IL6ST: variants seen among roughly 807,000 people sequenced by gnomAD.
IL6ST encodes interleukin 6 cytokine family signal transducer.
A neutral mutation model predicts 91.3 loss-of-function variants in IL6ST; 24 were observed. The observed-to-expected ratio is 0.26, with a 90% CI of 0.19 to 0.37. The LOEUF (loss-of-function observed/expected upper bound fraction) is 0.37, where lower values mean the gene tolerates loss of function less well. Ranked by LOEUF, IL6ST falls within the 10% of genes least tolerant of loss-of-function variation. IL6ST has a pLI of 1.00. For synonymous variants in IL6ST, 351 were observed against 373.6 expected (o/e 0.94, Z 0.70); for missense variants, 914 against 1,078.5 (o/e 0.85, Z 2.14).
Position 55,956,022 on chromosome 5 carries a change from A to C in IL6ST, c.1267+3T>G, listed in dbSNP as rs1283732557. Reference sequence around the variant, plus strand: ...AGTCAGGCTCCATCTCACAGATACAAACCTTGAAAGTCACAGGCAGGGATA... The same window carrying C: ...AGTCAGGCTCCATCTCACAGATACACACCTTGAAAGTCACAGGCAGGGATA... On this transcript the variant is annotated splice_donor_region_variant and intron_variant, in intron 10 of 16. Coordinates refer to ENST00000381298, the MANE Select transcript of IL6ST (RefSeq NM_002184.4). 3.1e-6 allele frequency: 5 copies of C among 1,607,704 alleles called. No individual in the cohort carries two copies. In the South Asian group the frequency reaches 5.5e-5, roughly 18 times the overall value.
intron 11 of IL6ST, among the ~76,000 whole-genome samples, chr5:55,954,274 CA>C: frequency 6.6e-6 from 1 of 152,232 alleles, no homozygotes. Context: ...TTTTTCTCTT[CA>C]AAGTTGTTGT....
rs898804981 is a variant in IL6ST, at chr5:55,956,121, G to C, written c.1171C>G (p.Leu391Val). 6.2e-7 allele frequency: 1 copy of C among 1,612,218 alleles called. No individual in the cohort carries two copies. The highest frequency in any genetic ancestry group is 8.5e-7 in the Non-Finnish European group (1 of 1,178,286). ...GTTGCTAGATAGCGATCATTTGTGA[G>C]ATTTACTGTCAGTTTTGTGGCATTA... ...TVNATKLTVN[L>V]TNDRYLATLT... Residue 391 changes from leucine (L) to valine (V), a missense_variant, in exon 10 of 17, where the codon CTC becomes GTC. Leu to Val is a conservative substitution (Grantham distance 32). Transcript: ENST00000381298.
chr5:55,941,211 A>G lies in IL6ST; in HGVS notation c.2628T>C (p.Ala876=). ...KMFQEVSAAD[A]FGPGTEGQVE... The stretch of plus-strand genomic sequence containing the variant: ...CTTGTCCCTCAGTACCTGGACCAAA[A>G]GCATCTGCTGCAGAAACTTCCTGAA... The change falls in exon 17 of 17, where the codon GCT becomes GCC. Residue 876 remains alanine (A), a synonymous_variant. Transcript: ENST00000381298. 6.2e-7 allele frequency: 1 copy of G among 1,614,184 alleles called. No individual in the cohort carries two copies. The highest frequency in any genetic ancestry group is 8.5e-7 in the Non-Finnish European group (1 of 1,180,012).
chr5:55,956,887 C>T (rs1045656632), intron 9 of IL6ST, among the ~76,000 whole-genome samples: 13 of 152,096 alleles, frequency 8.5e-5, no homozygotes, highest in African/African-American at 2.7e-4. Flanking sequence ...GGGCTGGGCG[C>T]GGTGGCTCAT....
intron 15 of IL6ST, among the ~76,000 whole-genome samples, chr5:55,947,115 T>G (rs1244406752): frequency 6.6e-6 from 1 of 151,586 alleles, no homozygotes; most frequent in Non-Finnish European, 1.5e-5. Context: ...GAGGCAGGAG[T>G]CTGAACCAGG....
In IL6ST at chr5:55,951,539, T is replaced by G. The variant is rs760896280; in HGVS notation, c.1765A>C (p.Met589Leu). 4 of 1,610,652 alleles carry G rather than the reference T, an allele frequency of 2.5e-6. No homozygotes were observed. In the South Asian group the frequency reaches 4.4e-5, roughly 18 times the overall value. The change falls in exon 14 of 17, where the codon ATG becomes CTG. Residue 589 changes from methionine (M) to leucine (L), a missense_variant. Met to Leu is a conservative substitution (Grantham distance 15). Transcript: ENST00000381298. The stretch of plus-strand genomic sequence containing the variant: ...TCTGTGTATGCTGCCATTCGTACCA[T>G]GTACAATGTGTCACTAGTCAAAGAG... ...LSSLTSDTLYMVRMAAYTDEG... is the reference protein window; with the variant it reads ...LSSLTSDTLYLVRMAAYTDEG...
chr5:55,937,419 T>C lies in IL6ST; in HGVS notation c.*3663A>G. ...TAGTAGCATGTATGATGGAAAAAAATAGGTTAATGCAAAAGATAATACGCT... is the reference window on the plus strand; with the variant it reads ...TAGTAGCATGTATGATGGAAAAAAACAGGTTAATGCAAAAGATAATACGCT... On this transcript the variant is annotated 3_prime_UTR_variant, in exon 17 of 17. Transcript: ENST00000381298. 9.4e-6 allele frequency: 2 copies of C among 212,380 alleles called. No individual in the cohort carries two copies. Among genetic ancestry groups the C allele is most frequent in the Non-Finnish European group, 1.9e-5 (2 of 104,828 alleles). The allele number at this position is 212,380 out of a possible 1,614,324, so 13.2% of individuals were successfully genotyped here.
rs1398638814 is a variant in IL6ST, at chr5:55,935,414, T to C, written c.*5668A>G. The C allele has an allele frequency of 4.9e-6, 1 of 204,804 alleles. No homozygotes were observed. The highest frequency in any genetic ancestry group is 2.3e-5 in the African/African-American group (1 of 43,710). The allele number at this position is 204,804 out of a possible 1,614,324, so 12.7% of individuals were successfully genotyped here. Reference sequence around the variant, plus strand: ...CTTTAGCGGTTGGGGAAAATAGCTATATTTAAAAACAAATATTGAATTTTG... The same window carrying C: ...CTTTAGCGGTTGGGGAAAATAGCTACATTTAAAAACAAATATTGAATTTTG... On this transcript the variant is annotated 3_prime_UTR_variant, in exon 17 of 17. Transcript: ENST00000381298.
At chr5:55,975,514 G>T (rs1753235743) in intron 3 of IL6ST, among the ~76,000 whole-genome samples, 1 of 151,934 alleles carries the variant, frequency 6.6e-6, no homozygotes, top group South Asian at 2.1e-4. Flanking sequence ...TTATAGCAGT[G>T]TGAGAATGGA....
At chr5:55,961,248 C>T (rs79738996) in intron 7 of IL6ST, among the ~76,000 whole-genome samples, 143 of 152,180 alleles carry the variant, frequency 9.4e-4, no homozygotes, top group African/African-American at 3.2e-3. Flanking sequence ...AGGATTTCTG[C>T]AGGAAACAGA....
chr5:55,943,787 C>T (rs1187532431), intron 15 of IL6ST, among the ~76,000 whole-genome samples: 3 of 152,056 alleles, frequency 2.0e-5, no homozygotes, highest in African/African-American at 4.8e-5. Flanking sequence ...AAACACAAAG[C>T]GGCTGGGCGC....
chr5:55,940,135 A>ATACGTGTGTG lies in IL6ST; in HGVS notation c.*946_*947insCACACACGTA. ...AGAAAAGTCAATGATATGTGTGTGTATATATATATATATATATACACACAT... is the reference window on the plus strand; with the variant it reads ...AGAAAAGTCAATGATATGTGTGTGTATACGTGTGTGTATATATATATATATATACACACAT... On this transcript the variant is annotated 3_prime_UTR_variant, in exon 17 of 17. Coordinates refer to ENST00000381298, the MANE Select transcript of IL6ST (RefSeq NM_002184.4). 1 of 163,848 alleles carries ATACGTGTGTG rather than the reference A, an allele frequency of 6.1e-6. No individual in the cohort carries two copies. The highest frequency in any genetic ancestry group is 1.2e-5 in the Non-Finnish European group (1 of 84,992). 10.1% of individuals were successfully genotyped at this position (163,848 alleles called of 1,614,324 possible). A position where few individuals can be genotyped will look rare whatever the true frequency, so the allele number is the denominator to read the frequency against.
At chr5:55,978,094 T>C (rs1200495774) in intron 2 of IL6ST, among the ~76,000 whole-genome samples, 3 of 152,104 alleles carry the variant, frequency 2.0e-5, no homozygotes, top group African/African-American at 7.2e-5. Flanking sequence ...AGCTAACAAG[T>C]CAGCCTACCA....
At chr5:55,947,448 A>T in intron 15 of IL6ST, 45 bp downstream of exon 15, 1 of 1,038,576 alleles carries the variant, frequency 9.6e-7, no homozygotes, top group Non-Finnish European at 1.5e-6. Flanking sequence ...AATTCAGCTC[A>T]ATAAAGCTGG....
At chr5:55,978,913 C>T (rs1189835873) in intron 2 of IL6ST, among the ~76,000 whole-genome samples, 1 of 152,114 alleles carries the variant, frequency 6.6e-6, no homozygotes, top group Non-Finnish European at 1.5e-5. Context: ...GTGCTTAATA[C>T]CTCCAAAGAC....
intron 15 of IL6ST, among the ~76,000 whole-genome samples, chr5:55,946,901 G>A (rs1022082599): frequency 1.3e-5 from 2 of 151,672 alleles, no homozygotes; most frequent in Non-Finnish European, 1.5e-5. Flanking sequence ...AAGACTACAC[G>A]CTATGTGATT....
chr5:55,938,256 C>CT lies in IL6ST; in HGVS notation c.*2825_*2826insA. 1 of 193,298 alleles carries CT rather than the reference C, an allele frequency of 5.2e-6. No individual in the cohort carries two copies. Among genetic ancestry groups the CT allele is most frequent in the Non-Finnish European group, 1.1e-5 (1 of 92,558 alleles). 12.0% of individuals were successfully genotyped at this position (193,298 alleles called of 1,614,324 possible). ...ATTAGGTAGAGAAGAGGTATGAACACAGAACATGTGAATGAAATTTGCTTT... is the reference window on the plus strand; with the variant it reads ...ATTAGGTAGAGAAGAGGTATGAACACTAGAACATGTGAATGAAATTTGCTTT... On this transcript the variant is annotated 3_prime_UTR_variant, in exon 17 of 17. Transcript: ENST00000381298.
intron 14 of IL6ST, among the ~76,000 whole-genome samples, chr5:55,949,331 C>G (rs1264596724): frequency 6.6e-6 from 1 of 152,056 alleles, no homozygotes; most frequent in Non-Finnish European, 1.5e-5. Context: ...TTTAACTAGC[C>G]AGGCATGGTG....
chr5:55,979,597 C>A (rs1753524540), intron 2 of IL6ST, among the ~76,000 whole-genome samples: 1 of 152,176 alleles, frequency 6.6e-6, no homozygotes, highest in African/African-American at 2.4e-5. Flanking sequence ...TCACACACTA[C>A]AGGTTATAGT....
Sources: allele counts gnomAD v4.1 joint callset (sites outside exome capture counted in the v4.1 genomes callset), GRCh38; gene constraint gnomAD v4.1.1; transcripts MANE v1.5; gene names NCBI Gene and HGNC (gene_info 2026-07-23, HGNC 2026-07-21).